Variants in PRSS55 observed in about 807,000 individuals in gnomAD.
The protein encoded by PRSS55 is serine protease 55.
Under a neutral mutation model 23.6 loss-of-function variants are expected in PRSS55, and 41 were observed. That is an observed-to-expected ratio of 1.74 (90% CI 1.35 to 2.26). The LOEUF is 2.26. Among genes scored for constraint, PRSS55 ranks in the 30% most tolerant of loss-of-function variants. The pLI is 0.00. For missense variants in PRSS55, 669 were observed against 439.1 expected, an observed-to-expected ratio of 1.52 and a Z score of -4.68; for synonymous variants, 262 against 175.5, an observed-to-expected ratio of 1.49 and a Z score of -3.90.
At position 10,538,468 on chromosome 8, in the gene PRSS55, G is replaced by C. The variant is rs201692166; in HGVS notation, c.742-8G>C. ...GACTCCCTGCTGAGCTGTGTTCTCT[G>C]CCCACAGGGTGACAGTGGGGGGCCT... On this transcript the variant is annotated splice_region_variant and splice_polypyrimidine_tract_variant and intron_variant, in intron 4 of 4. Coordinates refer to ENST00000328655, the MANE Select transcript of PRSS55 (RefSeq NM_198464.4). 2.5e-6 allele frequency: 4 copies of C among 1,604,272 alleles called. No homozygotes were observed. In the African/African-American group the frequency reaches 4.0e-5, roughly 16 times the overall value.
chr8:10,533,525 T>C (rs1355146590), intron 4 of PRSS55, among the ~76,000 whole-genome samples: 1 of 152,206 alleles, frequency 6.6e-6, no homozygotes, highest in Non-Finnish European at 1.5e-5. Context: ...GTGTTGCATG[T>C]GGGTTTCACT....
At position 10,529,651 on chromosome 8, in the gene PRSS55, AGTG is replaced by A. The variant is rs1275196921; in HGVS notation, c.304_306del (p.Trp102del). The A allele has an allele frequency of 6.2e-7, 1 of 1,614,172 alleles. No homozygotes were observed. Among genetic ancestry groups the A allele is most frequent in the Non-Finnish European group, 8.5e-7 (1 of 1,180,028 alleles). On this transcript the variant is annotated inframe_deletion, in exon 2 of 5. Coordinates refer to ENST00000328655, the MANE Select transcript of PRSS55 (RefSeq NM_198464.4). ...TTCTGTGGCGGCTCCATCCTCAACA[AGTG>A]GTGGATTCTCACTGCGGCTCACTGC...
At position 10,525,661 on chromosome 8, in the gene PRSS55, G is replaced by C. The variant is rs373245354; in HGVS notation, c.76G>C (p.Glu26Gln). The C allele has an allele frequency of 3.7e-6, 6 of 1,614,152 alleles. No individual in the cohort carries two copies. Among genetic ancestry groups the C allele is most frequent in the Non-Finnish European group, 5.1e-6 (6 of 1,180,022 alleles). The change falls in exon 1 of 5, where the codon GAG (glutamate) becomes CAG (glutamine). Residue 26 changes from glutamate (E) to glutamine (Q), a missense_variant. By Grantham distance (29) the Glu-to-Gln change is conservative (BLOSUM62 2). Transcript: ENST00000328655. ...GCTCGGTCCACGGACTCCTCTCCCAGAGGCTGGAGTGGCTATCCTAGGCAG... is the reference window on the plus strand; with the variant it reads ...GCTCGGTCCACGGACTCCTCTCCCACAGGCTGGAGTGGCTATCCTAGGCAG... Reference protein sequence around the residue: ...TQLGPRTPLPEAGVAILGRAR... With the variant: ...TQLGPRTPLPQAGVAILGRAR...
intron 3 of PRSS55, 152 bp from the exon 4 acceptor site, chr8:10,532,754 G>A (rs969137246): frequency 1.8e-5 from 16 of 890,160 alleles, no homozygotes; most frequent in Admixed American, 2.8e-5. Context: ...TTGCAGGCAT[G>A]GGGTAACCTG....
rs4406360 is a variant in PRSS55 at position 10,532,942 on chromosome 8, C to T, written c.635C>T (p.Ala212Val). ...TCTGTGAAAACGGATCTGATGAAAGCGCCAATGGTCATCATGGACTGGGAG... is the reference window on the plus strand; with the variant it reads ...TCTGTGAAAACGGATCTGATGAAAGTGCCAATGGTCATCATGGACTGGGAG... The part of the protein sequence containing the change: ...KNSVKTDLMK[A>V]PMVIMDWEEC... Residue 212 changes from alanine (A) to valine (V), a missense_variant, in exon 4 of 5, where the codon GCG (alanine) becomes GTG (valine). By Grantham distance (64) the Ala-to-Val change is moderately conservative. Coordinates refer to ENST00000328655, the MANE Select transcript of PRSS55 (RefSeq NM_198464.4). 0.35 allele frequency: 561,998 copies of T among 1,613,708 alleles called. 99,378 individuals are homozygous for T. The highest frequency in any genetic ancestry group is 0.45 in the East Asian group (20,227 of 44,854).
chr8:10,534,536 G>T (rs1266622586), intron 4 of PRSS55, among the ~76,000 whole-genome samples: 1 of 149,516 alleles, frequency 6.7e-6, no homozygotes, highest in Non-Finnish European at 1.5e-5. Flanking sequence ...CATGGACTTT[G>T]GCATCAGCAA....
chr8:10,550,157 A>G (rs914297277), intron 4 of PRSS55, among the ~76,000 whole-genome samples: 1 of 152,170 alleles, frequency 6.6e-6, no homozygotes, highest in Non-Finnish European at 1.5e-5. Context: ...TCCTGATTTC[A>G]GGTGATCCAC....
intron 3 of PRSS55, among the ~76,000 whole-genome samples, chr8:10,532,091 A>T (rs1032282477): frequency 6.6e-6 from 1 of 152,120 alleles, no homozygotes; most frequent in Non-Finnish European, 1.5e-5. Context: ...AAGCAAATAG[A>T]TAGGGGAGGG....
At chr8:10,541,330 G>A (rs1030281504), downstream of PRSS55, 5 of 152,220 alleles carry the variant, frequency 3.3e-5, no homozygotes. Flanking sequence ...CCATAATGGG[G>A]TGAGCCTCAT....
At chr8:10,545,436 A>G (rs1393542425) in intron 4 of PRSS55, among the ~76,000 whole-genome samples, 1 of 152,188 alleles carries the variant, frequency 6.6e-6, no homozygotes, top group Admixed American at 6.5e-5. Context: ...AGTCAACCAC[A>G]TAACCCACTT....
intron 4 of PRSS55, 85 bp from the exon 5 acceptor site, chr8:10,538,391 G>A: frequency 9.2e-7 from 1 of 1,082,474 alleles, no homozygotes; most frequent in Non-Finnish European, 1.3e-6. Context: ...GGAGGCTGAG[G>A]AATCTTCCAT....
rs553462361 is a variant in PRSS55 at position 10,531,526 on chromosome 8, T to C, written c.579T>C (p.Gly193=). Residue 193 remains glycine, a synonymous_variant, in exon 3 of 5, where the codon GGT becomes GGC. Transcript: ENST00000328655. ...CATGGCGCGAATGCTGGGTGGCAGG[T>C]TGGGGCCAGACCAATGCTGGTATGT... ...PATWRECWVA[G]WGQTNAADKN... is the part of the protein sequence containing the mutation. The C allele has an allele frequency of 1.9e-6, 3 of 1,613,714 alleles. No homozygotes were observed. The highest frequency in any genetic ancestry group is 2.5e-6 in the Non-Finnish European group (3 of 1,180,032).
At chr8:10,546,720 GTTGC>G (rs1812827236) in intron 4 of PRSS55, among the ~76,000 whole-genome samples, 1 of 150,478 alleles carries the variant, frequency 6.6e-6, no homozygotes, top group Non-Finnish European at 1.5e-5. Flanking sequence ...GTCTCACTCT[GTTGC>G]TCAGGCAGAA....
chr8:10,529,473 C>T, intron 1 of PRSS55, 34 bp from the exon 2 acceptor site: 2 of 1,607,382 alleles, frequency 1.2e-6, no homozygotes, highest in Non-Finnish European at 1.7e-6. Context: ...TAAGTGTTTC[C>T]CCTTTTCCTT....
chr8:10,527,935 G>T (rs144392408), intron 1 of PRSS55, among the ~76,000 whole-genome samples: 6 of 152,194 alleles, frequency 3.9e-5, no homozygotes, highest in African/African-American at 1.4e-4. Context: ...CGAATAGGCC[G>T]GGCATGGTGG....
chr8:10,548,928 C>A (rs997077328), intron 4 of PRSS55, among the ~76,000 whole-genome samples: 1 of 152,214 alleles, frequency 6.6e-6, no homozygotes, highest in Non-Finnish European at 1.5e-5. Context: ...AGGGGTCCGA[C>A]TGAGGCTGGG....
At chr8:10,536,734 G>A (rs188708294) in intron 4 of PRSS55, among the ~76,000 whole-genome samples, 32 of 152,232 alleles carry the variant, frequency 2.1e-4, no homozygotes, top group African/African-American at 7.2e-4. Flanking sequence ...TGCAGCTAGA[G>A]GCCATTATTC....
chr8:10,539,478 C>T (rs1186040349), downstream of PRSS55, among the ~76,000 whole-genome samples: 1 of 152,200 alleles, frequency 6.6e-6, no homozygotes, highest in African/African-American at 2.4e-5. Context: ...TTACTGTAAC[C>T]CTTCTATGGA....
At chr8:10,539,909 G>A (rs1812596933), downstream of PRSS55, among the ~76,000 whole-genome samples, 1 of 152,088 alleles carries the variant, frequency 6.6e-6, no homozygotes, top group Non-Finnish European at 1.5e-5. Flanking sequence ...TCCCTACCTT[G>A]GGCCTTCTCT....
Sources: gnomAD v4.1 joint callset for allele counts (sites outside exome capture counted in the v4.1 genomes callset) on GRCh38, gnomAD v4.1.1 for gene constraint, MANE v1.5 for transcripts, NCBI Gene and HGNC (gene_info 2026-07-23, HGNC 2026-07-21) for gene names.